Variants in HECTD4 observed in about 807,000 individuals in gnomAD.
The protein encoded by HECTD4 is probable E3 ubiquitin-protein ligase HECTD4.
HECTD4 carries 114 observed loss-of-function variants against 471.5 expected under a neutral mutation model. That is an observed-to-expected ratio of 0.24 (90% CI 0.21 to 0.28). HECTD4 has a LOEUF of 0.28. Among genes scored for constraint, HECTD4 ranks in the 10% least tolerant of loss-of-function variants. HECTD4 has a pLI of 1.00. For missense variants in HECTD4, 3,866 were observed against 5,651.5 expected, an observed-to-expected ratio of 0.68 and a Z score of 10.13; for synonymous variants, 2,012 against 2,256.0, an observed-to-expected ratio of 0.89 and a Z score of 3.07.
chr12:112,244,089 T>C, intron 29 of HECTD4, 80 bp from the exon 30 acceptor site: 1 of 1,399,090 alleles, frequency 7.1e-7, no homozygotes, highest in South Asian at 1.3e-5. Flanking sequence ...TACCCAACAG[T>C]CTAAGTGTAT....
chr12:112,360,694 G>A (rs2036432407), intron 1 of HECTD4, among the ~76,000 whole-genome samples: 1 of 152,060 alleles, frequency 6.6e-6, no homozygotes. Flanking sequence ...TCTGTTAAAG[G>A]TAAGATTGGC....
In HECTD4 at chr12:112,256,425, G is replaced by C; in HGVS notation, c.3222C>G (p.Pro1074=). Residue 1074 remains proline (P), a synonymous_variant, in exon 21 of 76, where the codon CCC becomes CCG. Coordinates refer to ENST00000682272, the MANE Select transcript of HECTD4 (RefSeq NM_001388303.1). ...AAGKTVETVH[P]VRDNYKFKET... ...CTTTAAATTTATAGTTGTCTCTGACGGGGTGGACTGTTTCCACAGTCTTTC... is the reference window on the plus strand; with the variant it reads ...CTTTAAATTTATAGTTGTCTCTGACCGGGTGGACTGTTTCCACAGTCTTTC... The C allele has an allele frequency of 2.5e-6, 4 of 1,612,988 alleles. No homozygotes were observed. Among genetic ancestry groups the C allele is most frequent in the Non-Finnish European group, 3.4e-6 (4 of 1,179,410 alleles).
At chr12:112,242,673 G>T (rs570158559) in intron 32 of HECTD4, among the ~76,000 whole-genome samples, 14 of 151,952 alleles carry the variant, frequency 9.2e-5, no homozygotes, top group African/African-American at 2.2e-4. Context: ...ACTTTGGGGG[G>T]GCCGAGGCAG....
Position 112,265,289 on chromosome 12 carries a change from A to T in HECTD4, c.2505T>A (p.Asn835Lys). Reference sequence around the variant, plus strand: ...TCAGAATGTAGTGTAAAAGTTCATCATTTAGTCTTTAAAATGCAGGAAAAA... The same window carrying T: ...TCAGAATGTAGTGTAAAAGTTCATCTTTTAGTCTTTAAAATGCAGGAAAAA... ...GSDEDDHYRL[N>K]DELLHYILKI... Residue 835 changes from asparagine (N) to lysine (K), a missense_variant, in exon 16 of 76, where the codon AAT becomes AAA. By Grantham distance (94) the Asn-to-Lys change is moderately conservative (BLOSUM62 0). Around this residue, in one of 16 missense-constraint regions of HECTD4, gnomAD observed 525 missense variants for 672.6 expected, o/e 0.78. Coordinates refer to ENST00000682272, the MANE Select transcript of HECTD4 (RefSeq NM_001388303.1). 6.4e-7 allele frequency: 1 copy of T among 1,556,616 alleles called. No individual in the cohort carries two copies. Among genetic ancestry groups the T allele is most frequent in the Non-Finnish European group, 8.7e-7 (1 of 1,143,854 alleles).
intron 2 of HECTD4, among the ~76,000 whole-genome samples, chr12:112,318,377 A>T (rs1473405138): frequency 2.0e-5 from 3 of 146,390 alleles, no homozygotes; most frequent in African/African-American, 7.5e-5. Flanking sequence ...ACAGCATACA[A>T]TTTTTTTTTT....
Position 112,163,836 on chromosome 12 carries a change from G to A in HECTD4, c.12702-99C>T. On this transcript the variant is annotated intron_variant, in intron 73 of 75. Coordinates refer to ENST00000682272, the MANE Select transcript of HECTD4 (RefSeq NM_001388303.1). This position sits in a 1 kb window ranked among gnomAD's most constrained non-coding sequence, Gnocchi z 8.2. ...CTGGAGGTCCCGGATCCTCTCTTGG[G>A]AGAGGCCTGGGGCCCAGCCGCCCTG... The A allele has an allele frequency of 1.7e-6, 2 of 1,168,398 alleles. No homozygotes were observed. The highest frequency in any genetic ancestry group is 3.8e-5 in the South Asian group (2 of 52,842). The allele number at this position is 1,168,398 out of a possible 1,614,324, so 72.4% of individuals were successfully genotyped here. A position where few individuals can be genotyped will look rare whatever the true frequency, so the allele number is the denominator to read the frequency against.
In HECTD4 at chr12:112,319,875, G is replaced by A. The variant is rs966935845; in HGVS notation, c.178-133C>T. ...TTTTAATTACAATCAAATGGAAAAC[G>A]TATACTGTAAAGCCAGCTCTTTGCT... On this transcript the variant is annotated intron_variant, in intron 1 of 75. Coordinates refer to ENST00000682272, the MANE Select transcript of HECTD4 (RefSeq NM_001388303.1). This position sits in a 1 kb window ranked among gnomAD's most constrained non-coding sequence, Gnocchi z 5.3. 3.3e-6 allele frequency: 2 copies of A among 612,552 alleles called. No homozygotes were observed. Among genetic ancestry groups the A allele is most frequent in the Non-Finnish European group, 4.7e-6 (2 of 421,818 alleles). 37.9% of individuals were successfully genotyped at this position (612,552 alleles called of 1,614,324 possible).
chr12:112,178,482 A>G (rs2031542746), intron 64 of HECTD4, among the ~76,000 whole-genome samples: 1 of 152,134 alleles, frequency 6.6e-6, no homozygotes, highest in Admixed American at 6.5e-5. Flanking sequence ...ATAAAATGAA[A>G]CTCTGATGTT....
Position 112,184,079 on chromosome 12 carries a change from A to G in HECTD4, c.10779+108T>C. 1.8e-6 allele frequency: 2 copies of G among 1,132,388 alleles called. No individual in the cohort carries two copies. The highest frequency in any genetic ancestry group is 2.5e-6 in the Non-Finnish European group (2 of 789,164). 70.1% of individuals were successfully genotyped at this position (1,132,388 alleles called of 1,614,324 possible). On this transcript the variant is annotated intron_variant, in intron 61 of 75. Transcript: ENST00000682272. The surrounding 1 kb of genome is among the most constrained non-coding windows in gnomAD (Gnocchi z 9.1). ...CCAAGGGCTGCCCCAGGGAGCCCCC[A>G]ACCGCTCCACCATTACCTACTAGGA... is the stretch of plus-strand genomic sequence containing the variant.
intron 49 of HECTD4, among the ~76,000 whole-genome samples, chr12:112,211,608 C>T (rs1431608303): frequency 6.6e-6 from 1 of 151,148 alleles, no homozygotes; most frequent in African/African-American, 2.4e-5. Flanking sequence ...TAATGAGCTA[C>T]CCAAGGGAAG....
chr12:112,190,572 T>C (rs1162839986), intron 60 of HECTD4, among the ~76,000 whole-genome samples: 2 of 152,142 alleles, frequency 1.3e-5, no homozygotes, highest in Non-Finnish European at 2.9e-5. Flanking sequence ...CTCAAAATAA[T>C]GAAAATACCC....
intron 1 of HECTD4, among the ~76,000 whole-genome samples, chr12:112,372,380 C>T (rs1242820128): frequency 2.0e-5 from 3 of 152,178 alleles, no homozygotes; most frequent in Admixed American, 6.5e-5. Context: ...CTGCCTCAGC[C>T]TCCCGAGTAG....
intron 1 of HECTD4, among the ~76,000 whole-genome samples, chr12:112,334,637 C>CAAAA (rs869292531): frequency 4.9e-4 from 22 of 45,266 alleles, no homozygotes; most frequent in South Asian, 7.9e-4. Context: ...ACTAAAAATA[C>CAAAA]AAAAAAAAAA....
In HECTD4 at chr12:112,228,736, T is replaced by C. The variant is rs1220852722; in HGVS notation, c.6595A>G (p.Arg2199Gly). ...TTTCTACAGTCTATGGGTGGGAATC[T>C]GACTGTAGCTATACCTTCCTGTTCA... is the stretch of plus-strand genomic sequence containing the variant. ...INEQEGIATVRFPPIDCRKTS... is the reference protein window; with the variant it reads ...INEQEGIATVGFPPIDCRKTS... Residue 2199 changes from arginine to glycine, a missense_variant, in exon 42 of 76, where the codon AGA (arginine) becomes GGA (glycine). Arg to Gly is a moderately radical substitution (Grantham distance 125). Coordinates refer to ENST00000682272, the MANE Select transcript of HECTD4 (RefSeq NM_001388303.1). The surrounding 1 kb of genome is among the most constrained non-coding windows in gnomAD (Gnocchi z 4.9). 1 of 1,613,566 alleles carries C rather than the reference T, an allele frequency of 6.2e-7. No individual in the cohort carries two copies. The highest frequency in any genetic ancestry group is 2.2e-5 in the East Asian group (1 of 44,878).
chr12:112,186,489 A>G (rs1055643273), intron 60 of HECTD4, among the ~76,000 whole-genome samples: 3 of 147,572 alleles, frequency 2.0e-5, no homozygotes, highest in African/African-American at 7.5e-5. Flanking sequence ...GGCTCCTACC[A>G]GCATGCCCAG....
chr12:112,199,505 T>A (rs1195400834), intron 55 of HECTD4, among the ~76,000 whole-genome samples: 10 of 152,238 alleles, frequency 6.6e-5, no homozygotes, highest in African/African-American at 2.2e-4. Context: ...GAAATTGTGA[T>A]GGCTAATGGA....
In HECTD4 at chr12:112,313,105, C is replaced by G; in HGVS notation, c.828G>C (p.Leu276Phe). 1 of 1,535,486 alleles carries G rather than the reference C, an allele frequency of 6.5e-7. No homozygotes were observed. Among genetic ancestry groups the G allele is most frequent in the Non-Finnish European group, 8.7e-7 (1 of 1,146,544 alleles). ...LEGGPGSPSC[L>F]LGGKHIVSWG... ...ATGATACTATGTGTTTGCCCCCAAG[C>G]AAACAGGAGGGAGATCCAGGCCCCC... The change falls in exon 4 of 76, where the codon TTG (leucine) becomes TTC (phenylalanine). Residue 276 changes from leucine (L) to phenylalanine (F), a missense_variant. Physicochemically the swap from Leu to Phe is conservative, Grantham distance 22. Coordinates refer to ENST00000682272, the MANE Select transcript of HECTD4 (RefSeq NM_001388303.1).
At position 112,319,792 on chromosome 12, in the gene HECTD4, T is replaced by C; in HGVS notation, c.178-50A>G. On this transcript the variant is annotated intron_variant, in intron 1 of 75. Coordinates refer to ENST00000682272, the MANE Select transcript of HECTD4 (RefSeq NM_001388303.1). This position sits in a 1 kb window ranked among gnomAD's most constrained non-coding sequence, Gnocchi z 5.3. ...TGGGTAAATATTACTTTCACCAAAG[T>C]CATCTAAGGAAGAAAATATGTTTAA... 8.3e-7 allele frequency: 1 copy of C among 1,204,352 alleles called. No individual in the cohort carries two copies. Among genetic ancestry groups the C allele is most frequent in the Non-Finnish European group, 1.0e-6 (1 of 960,320 alleles). 74.6% of individuals were successfully genotyped at this position (1,204,352 alleles called of 1,614,324 possible).
At chr12:112,198,196 G>A (rs2032304032) in intron 55 of HECTD4, among the ~76,000 whole-genome samples, 1 of 152,220 alleles carries the variant, frequency 6.6e-6, no homozygotes, top group Non-Finnish European at 1.5e-5. Flanking sequence ...GGTCCTGGGA[G>A]AGCATTAAAA....
Sources: gnomAD v4.1 joint callset for allele counts (sites outside exome capture counted in the v4.1 genomes callset) on GRCh38, gnomAD v4.1.1 for gene constraint, gnomAD v4.1.1 regional missense constraint, Gnocchi (gnomAD v3.1) non-coding constraint, MANE v1.5 for transcripts, NCBI Gene and HGNC (gene_info 2026-07-23, HGNC 2026-07-21) for gene names.